NRXN1: variants seen among roughly 807,000 people sequenced by gnomAD.
NRXN1 encodes the protein neurexin 1, also known as neurexin-1.
Under a neutral mutation model 150.9 loss-of-function variants are expected in NRXN1, and 39 were observed. That is an observed-to-expected ratio of 0.26 (90% CI 0.20 to 0.34). The LOEUF (loss-of-function observed/expected upper bound fraction) is 0.34, where lower values mean the gene tolerates loss of function less well. Among genes scored for constraint, NRXN1 ranks in the 10% least tolerant of loss-of-function variants. The probability of loss-of-function intolerance (pLI) is 1.00; values close to 1 mark genes in which losing one functional copy is unlikely to be tolerated. For missense variants in NRXN1, 1,815 were observed against 1,949.9 expected (o/e 0.93, Z 1.30); for synonymous variants, 924 against 757.0 (o/e 1.22, Z -3.62).
At chr2:50,665,864 A>C (rs1687950634) in intron 5 of NRXN1, among the ~76,000 whole-genome samples, 1 of 151,920 alleles carries the variant, frequency 6.6e-6, no homozygotes, top group African/African-American at 2.4e-5. Context: ...AAGTGTGTGT[A>C]CCTCCCACCT....
At chr2:49,961,568 C>G (rs1318188166) in intron 21 of NRXN1, among the ~76,000 whole-genome samples, 1 of 152,010 alleles carries the variant, frequency 6.6e-6, no homozygotes, top group African/African-American at 2.4e-5. Context: ...CAAGCCCTAA[C>G]AAGAATCTGC....
intron 8 of NRXN1, among the ~76,000 whole-genome samples, chr2:50,614,608 C>T (rs924963022): frequency 2.4e-4 from 35 of 148,480 alleles, no homozygotes; most frequent in African/African-American, 4.9e-4. Flanking sequence ...GCACGTTGTA[C>T]ACACGTACCC....
intron 17 of NRXN1, among the ~76,000 whole-genome samples, chr2:50,242,553 G>A: frequency 6.6e-6 from 1 of 151,650 alleles, no homozygotes; most frequent in East Asian, 1.9e-4. Context: ...CAGAAAAAGT[G>A]AACATCTTAG....
rs376478777 is a variant in NRXN1, at chr2:50,977,228, GATTT to G, written c.772+50270_772+50273del. 7.8e-3 allele frequency among the ~76,000 whole-genome samples: 1,184 copies of G among 151,908 alleles called. 17 individuals are homozygous for G. Among genetic ancestry groups the G allele is most frequent in the African/African-American group, 0.027 (1,140 of 41,494 alleles). On this transcript the variant is annotated intron_variant, in intron 2 of 22. Transcript: ENST00000401669. Reference sequence around the variant, plus strand: ...TAGAGCACATTCATTATATAATTTTGATTTATTTTACAAATGCAATTATAATCAT... The same window carrying G: ...TAGAGCACATTCATTATATAATTTTGATTTTACAAATGCAATTATAATCAT...
At position 50,053,711 on chromosome 2, in the gene NRXN1, T is replaced by C. The variant is rs1573630501; in HGVS notation, c.3809-121A>G. ...AGAGCAATAAACTATAAGAGAGGCA[T>C]TTGACTCATAATTCATTGCTTATAA... is the stretch of plus-strand genomic sequence containing the variant. On this transcript the variant is annotated intron_variant, in intron 20 of 22. Coordinates refer to ENST00000401669, the MANE Select transcript of NRXN1 (RefSeq NM_001330078.2). The C allele has an allele frequency of 1.3e-5, 13 of 972,492 alleles. No homozygotes were observed. In the East Asian group the frequency reaches 3.4e-4, roughly 25 times the overall value. 60.2% of individuals were successfully genotyped at this position (972,492 alleles called of 1,614,324 possible).
At chr2:50,759,146 A>C (rs1044398831) in intron 5 of NRXN1, among the ~76,000 whole-genome samples, 1 of 151,976 alleles carries the variant, frequency 6.6e-6, no homozygotes, top group Non-Finnish European at 1.5e-5. Flanking sequence ...GTAATAAATA[A>C]ATCACCTTTA....
chr2:50,670,907 T>C (rs1688748641), intron 5 of NRXN1, among the ~76,000 whole-genome samples: 1 of 151,896 alleles, frequency 6.6e-6, no homozygotes, highest in Admixed American at 6.6e-5. Context: ...TTTGATCACT[T>C]GGTTTAGTTG....
intron 17 of NRXN1, among the ~76,000 whole-genome samples, chr2:50,293,859 G>A (rs571035730): frequency 1.3e-5 from 2 of 152,274 alleles, no homozygotes; most frequent in Admixed American, 6.5e-5. Flanking sequence ...ATGCCTGGCT[G>A]TGTGACTGCA....
chr2:50,683,080 A>G (rs1173564538), intron 5 of NRXN1, among the ~76,000 whole-genome samples: 1 of 152,162 alleles, frequency 6.6e-6, no homozygotes, highest in Non-Finnish European at 1.5e-5. Flanking sequence ...TGCTGTGGAC[A>G]CAGACCATAC....
intron 2 of NRXN1, among the ~76,000 whole-genome samples, chr2:51,010,318 T>C (rs1667645785): frequency 6.6e-6 from 1 of 152,058 alleles, no homozygotes; most frequent in Non-Finnish European, 1.5e-5. Flanking sequence ...ATGTGCCTTT[T>C]TATACATAAA....
chr2:50,762,791 G>C (rs1055486321), intron 5 of NRXN1, among the ~76,000 whole-genome samples: 5 of 151,920 alleles, frequency 3.3e-5, no homozygotes, highest in African/African-American at 1.2e-4. Context: ...GAATACTGCT[G>C]TGATAAACAT....
intron 22 of NRXN1, among the ~76,000 whole-genome samples, chr2:49,933,244 G>A (rs1359233467): frequency 2.6e-5 from 4 of 151,914 alleles, no homozygotes; most frequent in South Asian, 4.1e-4. Flanking sequence ...CTGCCACCAC[G>A]CCCGGCTAAT....
chr2:50,832,648 A>G (rs1055433152), intron 5 of NRXN1, among the ~76,000 whole-genome samples: 2 of 151,930 alleles, frequency 1.3e-5, no homozygotes, highest in African/African-American at 2.4e-5. Context: ...CGACAGAGTG[A>G]GATCCCGTCT....
intron 12 of NRXN1, among the ~76,000 whole-genome samples, chr2:50,527,816 A>G (rs1284613356): frequency 6.6e-6 from 1 of 152,140 alleles, no homozygotes; most frequent in Non-Finnish European, 1.5e-5. Flanking sequence ...GAGATTAGAA[A>G]TTTGTTAGAA....
At chr2:50,495,218 A>C (rs2091497992) in intron 15 of NRXN1, among the ~76,000 whole-genome samples, 1 of 152,188 alleles carries the variant, frequency 6.6e-6, no homozygotes, top group South Asian at 2.1e-4. Context: ...TAGAAACTTC[A>C]GTCATTTCTC....
intron 1 of NRXN1, among the ~76,000 whole-genome samples, chr2:51,031,036 G>A (rs184508310): frequency 5.5e-4 from 84 of 152,074 alleles, no homozygotes; most frequent in African/African-American, 2.0e-3. Context: ...GAGAAAAACC[G>A]TAGAGCAATA....
chr2:50,432,221 C>T (rs894568092), intron 17 of NRXN1: 1 of 152,192 alleles, frequency 6.6e-6, no homozygotes, highest in Non-Finnish European at 1.5e-5. Context: ...GGCTTCTTTT[C>T]CTTTGAATTT....
intron 17 of NRXN1, among the ~76,000 whole-genome samples, chr2:50,338,837 C>G (rs930647265): frequency 1.3e-5 from 2 of 152,190 alleles, no homozygotes; most frequent in East Asian, 3.8e-4. Context: ...AACAGCATCA[C>G]AGTCAACTCC....
At chr2:50,876,805 A>G (rs577578720) in intron 5 of NRXN1, among the ~76,000 whole-genome samples, 1 of 151,932 alleles carries the variant, frequency 6.6e-6, no homozygotes, top group East Asian at 2.0e-4. Context: ...TGTTCTTGTA[A>G]GAAGATAATT....
Sources: gnomAD v4.1 joint callset for allele counts (sites outside exome capture counted in the v4.1 genomes callset) on GRCh38, gnomAD v4.1.1 for gene constraint, MANE v1.5 for transcripts, NCBI Gene and HGNC (gene_info 2026-07-23, HGNC 2026-07-21) for gene names.